The following FER variants were observed in gnomAD, a reference collection of about 807,000 sequenced individuals.
FER encodes the protein tyrosine-protein kinase Fer.
Under a neutral mutation model 111.0 loss-of-function variants are expected in FER, and 63 were observed. That is an observed-to-expected ratio of 0.57 (90% confidence interval 0.46 to 0.70). The LOEUF (loss-of-function observed/expected upper bound fraction) is 0.70, where lower values mean the gene tolerates loss of function less well. Among genes scored for constraint, FER ranks in the 30% least tolerant of loss-of-function variants. FER has a pLI of 0.00. For synonymous variants in FER, 327 were observed against 313.9 expected, an observed-to-expected ratio of 1.04 and a Z score of -0.44; for missense variants, 914 against 954.0, an observed-to-expected ratio of 0.96 and a Z score of 0.55.
chr5:109,087,709 G>A (rs11955714), intron 16 of FER, among the ~76,000 whole-genome samples: 1,579 of 151,156 alleles, frequency 0.01, 20 homozygotes, highest in African/African-American at 0.036. Flanking sequence ...GGTAGTGGGA[G>A]GAGATTTATT....
intron 5 of FER, among the ~76,000 whole-genome samples, chr5:108,837,266 A>C (rs1268404398): frequency 6.6e-6 from 1 of 152,206 alleles, no homozygotes; most frequent in Non-Finnish European, 1.5e-5. Context: ...TGTTTAAGTT[A>C]CTGAGATTCA....
At chr5:108,774,740 GT>G (rs200103724) in intron 2 of FER, among the ~76,000 whole-genome samples, 59 of 147,840 alleles carry the variant, frequency 4.0e-4, no homozygotes, top group African/African-American at 7.2e-4. Context: ...TTTTAGAAGG[GT>G]TTTTTTTTTC....
chr5:109,028,541 A>T (rs936835288), intron 13 of FER, among the ~76,000 whole-genome samples: 1 of 152,190 alleles, frequency 6.6e-6, no homozygotes, highest in Non-Finnish European at 1.5e-5. Context: ...AGAGTCAGAC[A>T]TATATGGGTT....
intron 17 of FER, among the ~76,000 whole-genome samples, chr5:109,116,190 C>T (rs1421603474): frequency 6.6e-5 from 10 of 152,030 alleles, no homozygotes; most frequent in African/African-American, 2.4e-4. Flanking sequence ...CCGAAGAGGT[C>T]GCCATGCTTC....
chr5:109,026,995 GA>G (rs1768839512), intron 13 of FER, among the ~76,000 whole-genome samples: 1 of 152,016 alleles, frequency 6.6e-6, no homozygotes, highest in South Asian at 2.1e-4. Flanking sequence ...TCTTTCTAAG[GA>G]TTATATGTTG....
At chr5:109,066,254 G>A (rs1011958867) in intron 16 of FER, among the ~76,000 whole-genome samples, 2 of 151,990 alleles carry the variant, frequency 1.3e-5, no homozygotes, top group Admixed American at 6.6e-5. Flanking sequence ...TCTATCTTGG[G>A]TGCTATAAAT....
intron 16 of FER, among the ~76,000 whole-genome samples, chr5:109,067,776 G>T (rs1324409800): frequency 6.6e-6 from 1 of 152,072 alleles, no homozygotes; most frequent in African/African-American, 2.4e-5. Context: ...GTATAGGAAA[G>T]ATTCATGAAC....
chr5:109,172,019 C>A (rs1302162170), intron 17 of FER, among the ~76,000 whole-genome samples: 1 of 152,158 alleles, frequency 6.6e-6, no homozygotes, highest in Non-Finnish European at 1.5e-5. Context: ...AATAGGAACA[C>A]TTTTACACTG....
chr5:109,170,263 G>T (rs1756973164), intron 17 of FER, among the ~76,000 whole-genome samples: 1 of 152,116 alleles, frequency 6.6e-6, no homozygotes, highest in South Asian at 2.1e-4. Flanking sequence ...CATAGCCTAA[G>T]TGCCAAGTCA....
chr5:109,148,603 T>G (rs1287242004), intron 17 of FER, among the ~76,000 whole-genome samples: 1 of 152,224 alleles, frequency 6.6e-6, no homozygotes, highest in Non-Finnish European at 1.5e-5. Context: ...TCATTCTGTT[T>G]AAGAGTATAA....
chr5:108,916,441 T>C (rs1203108227), intron 10 of FER, among the ~76,000 whole-genome samples: 1 of 150,078 alleles, frequency 6.7e-6, no homozygotes, highest in Admixed American at 6.6e-5. Context: ...ATAATTTGGG[T>C]ACCCCCCCGA....
At chr5:108,898,666 C>G (rs537959479) in intron 10 of FER, among the ~76,000 whole-genome samples, 1 of 145,780 alleles carries the variant, frequency 6.9e-6, no homozygotes, top group South Asian at 2.2e-4. Context: ...CTTCCTCTTT[C>G]TTTTCTCTCT....
At chr5:108,806,976 G>A (rs1028055934) in intron 3 of FER, among the ~76,000 whole-genome samples, 1 of 152,070 alleles carries the variant, frequency 6.6e-6, no homozygotes, top group African/African-American at 2.4e-5. Flanking sequence ...ATATGGTTTA[G>A]CTGTGTCCCA....
In FER at chr5:109,053,382, CAAAAAAAA is replaced by C. The variant is rs779550084; in HGVS notation, c.1924+6197_1924+6204del. Among the ~76,000 whole-genome samples the C allele has an allele frequency of 8.7e-3, 702 of 80,230 alleles. 3 individuals are homozygous for C. The highest frequency in any genetic ancestry group is 0.031 in the African/African-American group (676 of 21,526). The allele number at this position is 80,230 out of a possible 152,430, so 52.6% of individuals were successfully genotyped here. A position where few individuals can be genotyped will look rare whatever the true frequency, so the allele number is the denominator to read the frequency against. ...TCAGCGAAAGAGTGAGACTCCGTCT[CAAAAAAAA>C]AAAAAAAAAAAAGTAATGGAGGCTG... On this transcript the variant is annotated intron_variant, in intron 16 of 19. Coordinates refer to ENST00000281092, the MANE Select transcript of FER (RefSeq NM_005246.4).
intron 13 of FER, among the ~76,000 whole-genome samples, chr5:108,996,848 T>C (rs537891111): frequency 3.3e-4 from 50 of 152,354 alleles, no homozygotes; most frequent in African/African-American, 1.0e-3. Context: ...TACATTACTT[T>C]GGGCAATATG....
At chr5:109,164,768 T>G (rs187336995) in intron 17 of FER, among the ~76,000 whole-genome samples, 1 of 152,286 alleles carries the variant, frequency 6.6e-6, no homozygotes, top group Non-Finnish European at 1.5e-5. Context: ...AGTCTTGCCT[T>G]TTACATCCTA....
At chr5:109,003,765 G>A (rs1362835313) in intron 13 of FER, among the ~76,000 whole-genome samples, 1 of 151,970 alleles carries the variant, frequency 6.6e-6, no homozygotes, top group African/African-American at 2.4e-5. Flanking sequence ...GAATTGCTTG[G>A]ACCTAGAATT....
At chr5:108,776,280 T>C (rs1490959040) in intron 2 of FER, among the ~76,000 whole-genome samples, 1 of 152,112 alleles carries the variant, frequency 6.6e-6, no homozygotes, top group East Asian at 1.9e-4. Context: ...TTAGTGTACT[T>C]TCAGTAGTAT....
rs116366188 is a variant in FER at position 108,780,457 on chromosome 5, T to C, written c.-60+12219T>C. 5.9e-3 allele frequency among the ~76,000 whole-genome samples: 890 copies of C among 152,046 alleles called. 13 individuals carry two copies. The highest frequency in any genetic ancestry group is 0.021 in the African/African-American group (856 of 41,522). Reference sequence around the variant, plus strand: ...CTTCACTCCCTTCTTGCTTATATGGTTTTGGAGGTAATGTCAATGTAATTA... The same window carrying C: ...CTTCACTCCCTTCTTGCTTATATGGCTTTGGAGGTAATGTCAATGTAATTA... On this transcript the variant is annotated intron_variant, in intron 2 of 19. Coordinates refer to ENST00000281092, the MANE Select transcript of FER (RefSeq NM_005246.4).
Sources: gnomAD v4.1 joint callset for allele counts (sites outside exome capture counted in the v4.1 genomes callset) on GRCh38, gnomAD v4.1.1 for gene constraint, MANE v1.5 for transcripts, NCBI Gene and HGNC (gene_info 2026-07-23, HGNC 2026-07-21) for gene names.